Variants in KCNIP1 observed in about 807,000 individuals in gnomAD.
KCNIP1 encodes A-type potassium channel modulatory protein KCNIP1.
KCNIP1 carries 18 observed loss-of-function variants against 33.0 expected under a neutral mutation model. The observed-to-expected ratio is 0.55, with a 90% confidence interval of 0.38 to 0.81. The LOEUF is 0.81. Ranked by LOEUF, KCNIP1 falls within the 30% of genes least tolerant of loss-of-function variation. The pLI is 0.00. For missense variants in KCNIP1, 238 were observed against 271.6 expected (o/e 0.88, Z 0.87); for synonymous variants, 93 against 98.3 (o/e 0.95, Z 0.32).
intron 1 of KCNIP1, among the ~76,000 whole-genome samples, chr5:170,567,046 C>A (rs954281962): frequency 4.6e-5 from 7 of 152,158 alleles, no homozygotes; most frequent in African/African-American, 7.2e-5. Context: ...ATGCATAAAT[C>A]CCAGTTGTCC....
At chr5:170,354,802 T>C (rs746785458) in intron 1 of KCNIP1, among the ~76,000 whole-genome samples, 5 of 152,006 alleles carry the variant, frequency 3.3e-5, no homozygotes, top group Non-Finnish European at 5.9e-5. Flanking sequence ...CTGGCCAACT[T>C]TGTGGAGATG....
chr5:170,494,184 T>G (rs918381858), intron 1 of KCNIP1, among the ~76,000 whole-genome samples: 1 of 152,212 alleles, frequency 6.6e-6, no homozygotes, highest in Non-Finnish European at 1.5e-5. Context: ...AATGCTCATC[T>G]GCATAGTGTC....
intron 1 of KCNIP1, among the ~76,000 whole-genome samples, chr5:170,589,794 T>TGCGGTGAG (rs1554103000): frequency 8.8e-6 from 1 of 113,164 alleles, no homozygotes; most frequent in Admixed American, 9.9e-5. Context: ...TGTGATGTGG[T>TGCGGTGAG]GTGCGGTGCG....
chr5:170,548,492 G>T (rs1756496218), intron 1 of KCNIP1, among the ~76,000 whole-genome samples: 1 of 152,184 alleles, frequency 6.6e-6, no homozygotes, highest in African/African-American at 2.4e-5. Flanking sequence ...CTCAAGAGAG[G>T]TAACAACCCA....
chr5:170,464,231 T>C lies in KCNIP1; in HGVS notation c.88+110267T>C, dbSNP rs190711272. ...GGCAATACTTAATATTATAAAGTGA[T>C]TTACAAATTGATTTATAGGTTCAAA... On this transcript the variant is annotated intron_variant, in intron 1 of 7. Transcript: ENST00000377360. Among the ~76,000 whole-genome samples, 262 of 152,304 alleles carry C rather than the reference T, an allele frequency of 1.7e-3. 1 individual carries two copies. The highest frequency in any genetic ancestry group is 2.8e-3 in the Non-Finnish European group (189 of 68,016).
intron 1 of KCNIP1, among the ~76,000 whole-genome samples, chr5:170,433,640 C>T (rs1008192106): frequency 6.6e-6 from 1 of 152,200 alleles, no homozygotes; most frequent in Admixed American, 6.5e-5. Context: ...AGATCATCAG[C>T]ATCCTTGTCA....
At chr5:170,471,954 G>A (rs890964062) in intron 1 of KCNIP1, among the ~76,000 whole-genome samples, 2 of 152,170 alleles carry the variant, frequency 1.3e-5, no homozygotes, top group Non-Finnish European at 2.9e-5. Flanking sequence ...CAGCCACGTG[G>A]GAGGCATGAA....
intron 1 of KCNIP1, among the ~76,000 whole-genome samples, chr5:170,546,281 T>C (rs753951749): frequency 3.9e-5 from 6 of 152,182 alleles, no homozygotes; most frequent in Non-Finnish European, 7.4e-5. Flanking sequence ...AGGCCCTTTC[T>C]CTCTCTCATG....
chr5:170,491,809 C>A (rs1245579763), intron 1 of KCNIP1, among the ~76,000 whole-genome samples: 2 of 152,180 alleles, frequency 1.3e-5, no homozygotes. Context: ...GAGTTGCAGT[C>A]CCAGCTCTGT....
intron 1 of KCNIP1, among the ~76,000 whole-genome samples, chr5:170,553,957 C>T (rs945113792): frequency 4.6e-5 from 7 of 152,210 alleles, no homozygotes; most frequent in African/African-American, 1.7e-4. Flanking sequence ...GGCAGAAAGG[C>T]AATGTCATGG....
At chr5:170,396,352 G>A (rs1256555443) in intron 1 of KCNIP1, among the ~76,000 whole-genome samples, 2 of 152,202 alleles carry the variant, frequency 1.3e-5, no homozygotes, top group Non-Finnish European at 2.9e-5. Flanking sequence ...CCTGGAATGT[G>A]TTGATGAAAA....
At chr5:170,492,531 C>T (rs939996394) in intron 1 of KCNIP1, among the ~76,000 whole-genome samples, 1 of 152,176 alleles carries the variant, frequency 6.6e-6, no homozygotes, top group South Asian at 2.1e-4. Flanking sequence ...ACTCAATCTC[C>T]AGCCTCTTCC....
chr5:170,476,512 A>G (rs1485295746), intron 1 of KCNIP1, among the ~76,000 whole-genome samples: 1 of 152,192 alleles, frequency 6.6e-6, no homozygotes, highest in East Asian at 1.9e-4. Flanking sequence ...CACACTGTTG[A>G]TAAACACAAT....
chr5:170,684,716 C>T (rs887311966), intron 1 of KCNIP1, among the ~76,000 whole-genome samples: 91 of 152,160 alleles, frequency 6.0e-4, no homozygotes, highest in Admixed American at 1.3e-3. Flanking sequence ...GGTCACTGGC[C>T]ACACAAGGAC....
chr5:170,644,731 T>C lies in KCNIP1; in HGVS notation c.62-74027T>C, dbSNP rs149049887. On this transcript the variant is annotated intron_variant, in intron 1 of 7. Coordinates refer to ENST00000328939, the MANE Select transcript of KCNIP1 (RefSeq NM_014592.4). ...TGGAAGCCCAGAGTCCAGTCAGCTC[T>C]GTAAGGCCCCCAGAATAGGCATTTG... 2.7e-3 allele frequency among the ~76,000 whole-genome samples: 409 copies of C among 152,358 alleles called. 2 individuals carry two copies. Among genetic ancestry groups the C allele is most frequent in the African/African-American group, 9.4e-3 (389 of 41,584 alleles).
chr5:170,358,516 C>T (rs1404865975), intron 1 of KCNIP1, among the ~76,000 whole-genome samples: 1 of 152,330 alleles, frequency 6.6e-6, no homozygotes, highest in East Asian at 1.9e-4. Context: ...CCAACTCTGC[C>T]TCTTACCAGC....
chr5:170,605,770 C>CTCTTTTT (rs1554104190), intron 1 of KCNIP1, among the ~76,000 whole-genome samples: 1 of 102,350 alleles, frequency 9.8e-6, no homozygotes, highest in African/African-American at 3.8e-5. Context: ...CAACCCTGTT[C>CTCTTTTT]TTTTTTTTTT....
intron 1 of KCNIP1, among the ~76,000 whole-genome samples, chr5:170,683,908 G>GTGTGTT (rs1344044007): frequency 2.4e-5 from 2 of 83,606 alleles, no homozygotes; most frequent in African/African-American, 8.7e-5. Context: ...GTGTGTGTGT[G>GTGTGTT]TGTGTGTGTG....
chr5:170,519,513 T>A (rs1755274634), intron 1 of KCNIP1, among the ~76,000 whole-genome samples: 1 of 152,206 alleles, frequency 6.6e-6, no homozygotes, highest in Non-Finnish European at 1.5e-5. Context: ...ACTGTCTTCT[T>A]GTGTCCAGTA....
Sources: gnomAD v4.1 joint callset for allele counts (sites outside exome capture counted in the v4.1 genomes callset) on GRCh38, gnomAD v4.1.1 for gene constraint, MANE v1.5 for transcripts, NCBI Gene and HGNC (gene_info 2026-07-23, HGNC 2026-07-21) for gene names.